The following BFSP1 variants were observed in gnomAD, a reference collection of about 807,000 sequenced individuals.
BFSP1 encodes beaded filament structural protein 1, also known as filensin.
Under a neutral mutation model 43.9 loss-of-function variants are expected in BFSP1, and 38 were observed. That is an observed-to-expected ratio of 0.87 (90% CI 0.67 to 1.14). BFSP1 has a LOEUF of 1.14. Among genes scored for constraint, BFSP1 ranks in the 50% most tolerant of loss-of-function variants. The pLI, the probability that BFSP1 is intolerant of heterozygous loss-of-function variation, is 0.00. For synonymous variants in BFSP1, 352 were observed against 354.8 expected, an observed-to-expected ratio of 0.99 and a Z score of 0.09; for missense variants, 850 against 875.1, an observed-to-expected ratio of 0.97 and a Z score of 0.36.
chr20:17,553,776 CATATAT>C (rs1204969085), intron 1 of BFSP1, among the ~76,000 whole-genome samples: 1 of 106,234 alleles, frequency 9.4e-6, no homozygotes, highest in East Asian at 3.0e-4. Flanking sequence ...AATATATAAA[CATATAT>C]ATATATATAT....
intron 1 of BFSP1, among the ~76,000 whole-genome samples, chr20:17,553,826 TATATATATATACACATATATATAC>T (rs2034939539): frequency 1.1e-5 from 1 of 87,090 alleles, no homozygotes; most frequent in African/African-American, 7.1e-5. Context: ...CACACACACA[TATATATATATACACATATATATAC>T]ATATATATAC....
intron 2 of BFSP1, among the ~76,000 whole-genome samples, chr20:17,523,274 C>T (rs2034353632): frequency 6.6e-6 from 1 of 152,112 alleles, no homozygotes; most frequent in Admixed American, 6.5e-5. Flanking sequence ...GAACCCCATT[C>T]TTTCTCCCCT....
upstream of BFSP1, among the ~76,000 whole-genome samples, chr20:17,561,296 A>G (rs1440029066): frequency 6.6e-6 from 1 of 152,200 alleles, no homozygotes; most frequent in Non-Finnish European, 1.5e-5. Context: ...GAGGAGATGG[A>G]GGCCATCCTG....
intron 5 of BFSP1, among the ~76,000 whole-genome samples, chr20:17,504,802 A>T (rs889795506): frequency 3.9e-5 from 6 of 152,098 alleles, no homozygotes; most frequent in African/African-American, 1.2e-4. Context: ...CTGGGCTGTG[A>T]GCCGCTGAGG....
chr20:17,544,385 A>G (rs1386718461), intron 1 of BFSP1, among the ~76,000 whole-genome samples: 1 of 152,216 alleles, frequency 6.6e-6, no homozygotes, highest in Non-Finnish European at 1.5e-5. Context: ...TAGAGTAAGC[A>G]GGCTTTAGCA....
In BFSP1 at chr20:17,529,093, GAC is replaced by G. The variant is rs1039357324; in HGVS notation, c.377+1858_377+1859del. Among the ~76,000 whole-genome samples the G allele has an allele frequency of 1.7e-4, 26 of 151,906 alleles. 1 individual carries two copies. The highest frequency in any genetic ancestry group is 4.8e-4 in the African/African-American group (20 of 41,430). The stretch of plus-strand genomic sequence containing the variant: ...TGTGTGTGTGTGTGTGTGTGTGTGA[GAC>G]AGAGTCTCACTCTGTCACCCAGGCT... On this transcript the variant is annotated intron_variant, in intron 1 of 7. Coordinates refer to ENST00000377873, the MANE Select transcript of BFSP1 (RefSeq NM_001195.5).
At chr20:17,522,360 C>T (rs2034335982) in intron 2 of BFSP1, among the ~76,000 whole-genome samples, 1 of 152,192 alleles carries the variant, frequency 6.6e-6, no homozygotes, top group East Asian at 1.9e-4. Flanking sequence ...CCCCCAATAA[C>T]CACGGGCTGT....
rs910303938 is a variant in BFSP1, at chr20:17,499,244, T to A, written c.736-204A>T. 2.5e-3 allele frequency among the ~76,000 whole-genome samples: 12 copies of A among 4,874 alleles called. No individual in the cohort carries two copies. The African/African-American group carries it at 0.059, about 24-fold the overall frequency. The allele number at this position is 4,874 out of a possible 152,430, so 3.2% of individuals were successfully genotyped here. A position where few individuals can be genotyped will look rare whatever the true frequency, so the allele number is the denominator to read the frequency against. Reference sequence around the variant, plus strand: ...CTGAGCTCCTGTGTCCTTACACAATTTTTTTTTTTTTTTTTTTTGATAGAG... The same window carrying A: ...CTGAGCTCCTGTGTCCTTACACAATATTTTTTTTTTTTTTTTTTGATAGAG... On this transcript the variant is annotated intron_variant, in intron 5 of 7. Coordinates refer to ENST00000377873, the MANE Select transcript of BFSP1 (RefSeq NM_001195.5).
At chr20:17,544,624 G>A (rs1294500906) in intron 1 of BFSP1, among the ~76,000 whole-genome samples, 1 of 152,186 alleles carries the variant, frequency 6.6e-6, no homozygotes, top group Non-Finnish European at 1.5e-5. Flanking sequence ...AAATCAGTAT[G>A]AGAGTTCCCA....
At chr20:17,539,386 A>T (rs552705981) in intron 1 of BFSP1, among the ~76,000 whole-genome samples, 28 of 151,982 alleles carry the variant, frequency 1.8e-4, no homozygotes, top group Middle Eastern at 3.4e-3. Context: ...TATTGGGATT[A>T]CACGTGTGAG....
chr20:17,500,397 AC>A (rs1386292423), intron 5 of BFSP1, among the ~76,000 whole-genome samples: 1 of 152,254 alleles, frequency 6.6e-6, no homozygotes, highest in African/African-American at 2.4e-5. Context: ...CCATAAGAGT[AC>A]AATGGAGCTG....
At chr20:17,506,587 A>C (rs6044854) in intron 5 of BFSP1, among the ~76,000 whole-genome samples, 9,440 of 148,636 alleles carry the variant, frequency 0.064, 398 homozygotes, top group South Asian at 0.13. Flanking sequence ...GCAGTGGCTC[A>C]GTCTCAGCTC....
At chr20:17,506,414 G>A (rs1484295657) in intron 5 of BFSP1, among the ~76,000 whole-genome samples, 1 of 151,988 alleles carries the variant, frequency 6.6e-6, no homozygotes, top group Non-Finnish European at 1.5e-5. Flanking sequence ...ACACAGCCGT[G>A]TTTCATCAGC....
upstream of BFSP1, among the ~76,000 whole-genome samples, chr20:17,561,359 C>T (rs780976870): frequency 1.5e-4 from 23 of 152,000 alleles, no homozygotes; most frequent in Non-Finnish European, 3.1e-4. Context: ...ATTAGCTGGG[C>T]GTAGTAGTGG....
intron 1 of BFSP1, among the ~76,000 whole-genome samples, chr20:17,568,113 G>A (rs927280199): frequency 4.6e-5 from 7 of 152,048 alleles, no homozygotes; most frequent in African/African-American, 7.2e-5. Flanking sequence ...GAGAAGTTTC[G>A]TCTGGGAGGG....
intron 2 of BFSP1, among the ~76,000 whole-genome samples, chr20:17,516,533 A>C (rs1479538363): frequency 6.6e-6 from 1 of 152,102 alleles, no homozygotes; most frequent in Non-Finnish European, 1.5e-5. Context: ...CAGAGCTGAG[A>C]CTTCATGGAG....
chr20:17,540,074 G>A (rs1392852533), intron 1 of BFSP1, among the ~76,000 whole-genome samples: 2 of 152,262 alleles, frequency 1.3e-5, no homozygotes, highest in African/African-American at 2.4e-5. Context: ...TCCACATGAA[G>A]TTTTCTAATG....
chr20:17,530,889 C>A, intron 1 of BFSP1, 64 bp downstream of exon 1: 7 of 1,321,622 alleles, frequency 5.3e-6, no homozygotes, highest in Non-Finnish European at 6.8e-6. Context: ...CAGCGTGCTC[C>A]CAGCCCCGCG....
At chr20:17,565,802 G>C (rs1051165716) in intron 1 of BFSP1, 1 of 152,164 alleles carries the variant, frequency 6.6e-6, no homozygotes, top group Non-Finnish European at 1.5e-5. Context: ...TTGTGTCTTA[G>C]AGGATTAAGT....
Sources: gnomAD v4.1 joint callset for allele counts (sites outside exome capture counted in the v4.1 genomes callset) on GRCh38, gnomAD v4.1.1 for gene constraint, MANE v1.5 for transcripts, NCBI Gene and HGNC (gene_info 2026-07-23, HGNC 2026-07-21) for gene names.